IQSEC3: variants seen among roughly 807,000 people sequenced by gnomAD.
IQSEC3 encodes IQ motif and SEC7 domain-containing protein 3.
Under a neutral mutation model 105.4 loss-of-function variants are expected in IQSEC3, and 50 were observed. The ratio of observed to expected loss-of-function variants is 0.47; its 90% CI spans 0.38 to 0.60. The LOEUF is 0.60. Among genes scored for constraint, IQSEC3 ranks in the 20% least tolerant of loss-of-function variants. The pLI, the probability that IQSEC3 is intolerant of heterozygous loss-of-function variation, is 0.00. For synonymous variants in IQSEC3, 708 were observed against 746.0 expected (o/e 0.95, Z 0.83); for missense variants, 1,415 against 1,630.0 (o/e 0.87, Z 2.27).
intron 7 of IQSEC3, among the ~76,000 whole-genome samples, chr12:158,191 C>T (rs1464499656): frequency 2.0e-5 from 3 of 151,544 alleles, no homozygotes; most frequent in Non-Finnish European, 2.9e-5. Flanking sequence ...TTTTTTTACC[C>T]GTTAAAAGAA....
chr12:110,058 C>T (rs900330711), intron 2 of IQSEC3, among the ~76,000 whole-genome samples: 14 of 152,190 alleles, frequency 9.2e-5, no homozygotes, highest in East Asian at 3.9e-4. Flanking sequence ...GTTGTGTGGC[C>T]GCCTCTCCCT....
At chr12:156,531 G>A (rs1439620437) in intron 5 of IQSEC3, among the ~76,000 whole-genome samples, 1 of 152,190 alleles carries the variant, frequency 6.6e-6, no homozygotes, top group Non-Finnish European at 1.5e-5. Flanking sequence ...AGCCCCAGGG[G>A]CTTGAGGGGC....
chr12:81,748 G>A (rs551348473), intron 1 of IQSEC3, among the ~76,000 whole-genome samples: 5 of 152,260 alleles, frequency 3.3e-5, no homozygotes, highest in Middle Eastern at 3.4e-3. Flanking sequence ...ACTGGGCCAC[G>A]CCACCAAGGA....
chr12:108,152 G>A (rs1864745121), intron 2 of IQSEC3, among the ~76,000 whole-genome samples: 1 of 152,192 alleles, frequency 6.6e-6, no homozygotes, highest in Non-Finnish European at 1.5e-5. Context: ...CCTTTCTGAT[G>A]GCCGTTTACA....
intron 1 of IQSEC3, among the ~76,000 whole-genome samples, chr12:86,578 T>C (rs1396111279): frequency 6.6e-6 from 1 of 152,126 alleles, no homozygotes; most frequent in Non-Finnish European, 1.5e-5. Flanking sequence ...GTAAGGAAAC[T>C]GAGGCTCAGT....
At chr12:130,315 AC>A in intron 3 of IQSEC3, among the ~76,000 whole-genome samples, 1 of 152,326 alleles carries the variant, frequency 6.6e-6, no homozygotes, top group Non-Finnish European at 1.5e-5. Context: ...GGTCTGCACA[AC>A]GTCCCCGTGA....
chr12:169,159 C>A, intron 12 of IQSEC3, 54 bp downstream of exon 12: 1 of 1,479,668 alleles, frequency 6.8e-7, no homozygotes. Context: ...ACTCGGGGAC[C>A]CTGGGTGTGG....
In IQSEC3 at chr12:76,272, A is replaced by C. The variant is rs1459024027; in HGVS notation, c.554+8836A>C. On this transcript the variant is annotated intron_variant, in intron 1 of 13. Coordinates refer to ENST00000538872, the MANE Select transcript of IQSEC3 (RefSeq NM_001170738.2). ...GGGGTCATGAACCAGCAGCACCCAG[A>C]TTCCAGGCCCCTTACCAGGCAGGAT... Among the ~76,000 whole-genome samples the C allele has an allele frequency of 5.3e-4, 81 of 152,364 alleles. 1 individual carries two copies. The highest frequency in any genetic ancestry group is 1.9e-3 in the African/African-American group (77 of 41,564).
chr12:168,841 G>A lies in IQSEC3; in HGVS notation c.2972-172G>A, dbSNP rs543215249. 49 of 631,610 alleles carry A rather than the reference G, an allele frequency of 7.8e-5. No individual in the cohort carries two copies. The East Asian group carries it at 9.4e-4, about 12-fold the overall frequency. The allele number at this position is 631,610 out of a possible 1,614,324, so 39.1% of individuals were successfully genotyped here. ...ATGACGAAACTGCGGCTCCGAGGGGGTATTTAACTTGCTATTCAGTGGTGG... is the reference window on the plus strand; with the variant it reads ...ATGACGAAACTGCGGCTCCGAGGGGATATTTAACTTGCTATTCAGTGGTGG... On this transcript the variant is annotated intron_variant, in intron 11 of 13. Transcript: ENST00000538872.
rs1196137817 is a variant in IQSEC3 at position 177,273 on chromosome 12, A to G, written c.*2240A>G. On this transcript the variant is annotated 3_prime_UTR_variant, in exon 14 of 14. Coordinates refer to ENST00000538872, the MANE Select transcript of IQSEC3 (RefSeq NM_001170738.2). The surrounding 1 kb of genome is among the most constrained non-coding windows in gnomAD (Gnocchi z 5.3). The stretch of plus-strand genomic sequence containing the variant: ...CTCACACAGCTCTTCAAGCTTACCA[A>G]GGACAGGCAGGACCCCGTCCCCTGC... 1 of 105,990 alleles carries G rather than the reference A, an allele frequency of 9.4e-6. No individual in the cohort carries two copies. Among genetic ancestry groups the G allele is most frequent in the African/African-American group, 3.0e-5 (1 of 32,804 alleles). The allele number at this position is 105,990 out of a possible 1,614,324, so 6.6% of individuals were successfully genotyped here.
chr12:155,083 A>T (rs1866640691), intron 5 of IQSEC3, among the ~76,000 whole-genome samples: 1 of 152,022 alleles, frequency 6.6e-6, no homozygotes, highest in African/African-American at 2.4e-5. Flanking sequence ...CTGACTCCTG[A>T]TGGGCTGGGC....
At chr12:135,985 G>A (rs1400402597) in intron 3 of IQSEC3, among the ~76,000 whole-genome samples, 6 of 152,214 alleles carry the variant, frequency 3.9e-5, no homozygotes, top group African/African-American at 1.4e-4. Context: ...TACTTTAAGT[G>A]GCTGGATTTG....
intron 13 of IQSEC3, among the ~76,000 whole-genome samples, chr12:173,622 A>C (rs1435609526): frequency 6.6e-6 from 1 of 152,098 alleles, no homozygotes; most frequent in African/African-American, 2.4e-5. Flanking sequence ...CAATAGAAAG[A>C]TCCTCAGAGA....
intron 13 of IQSEC3, 32 bp from the exon 14 acceptor site, chr12:174,567 A>G (rs779098100): frequency 1.3e-6 from 2 of 1,505,504 alleles, no homozygotes; most frequent in Non-Finnish European, 1.8e-6. Flanking sequence ...GTCTTGTAAC[A>G]TTTCATGCTT....
Position 138,779 on chromosome 12 carries a change from C to A in IQSEC3, c.1416C>A (p.Gly472=), listed in dbSNP as rs1449580890. 2 of 1,597,644 alleles carry A rather than the reference C, an allele frequency of 1.3e-6. No individual in the cohort carries two copies. Among genetic ancestry groups the A allele is most frequent in the Non-Finnish European group, 8.5e-7 (1 of 1,175,440 alleles). Residue 472 remains glycine (G), a synonymous_variant, in exon 4 of 14, where the codon GGC becomes GGA. Transcript: ENST00000538872. The surrounding 1 kb of genome is among the most constrained non-coding windows in gnomAD (Gnocchi z 7.1). ...GGGATGACGCCGCGGAGACCCCCGG[C>A]CTGCCCCCGGCCCACAGCGGGACCC... ...GPGDDAAETP[G]LPPAHSGTLM...
In IQSEC3 at chr12:104,951, C is replaced by T. The variant is rs537446875; in HGVS notation, c.623+5737C>T. Among the ~76,000 whole-genome samples, 5 of 152,402 alleles carry T rather than the reference C, an allele frequency of 3.3e-5. No individual in the cohort carries two copies. The East Asian group carries it at 9.6e-4, about 29-fold the overall frequency. ...GTCTTCAAACAGCTGGGCTGGGGCG[C>T]CGCGGCCTCACGTGCCTGCTCCGGG... On this transcript the variant is annotated intron_variant, in intron 2 of 13. Coordinates refer to ENST00000538872, the MANE Select transcript of IQSEC3 (RefSeq NM_001170738.2).
rs531817820 is a variant in IQSEC3 at position 133,293 on chromosome 12, G to A, written c.904-4974G>A. Among the ~76,000 whole-genome samples the A allele has an allele frequency of 1.5e-3, 231 of 152,362 alleles. 1 individual carries two copies. Among genetic ancestry groups the A allele is most frequent in the African/African-American group, 5.1e-3 (213 of 41,576 alleles). On this transcript the variant is annotated intron_variant, in intron 3 of 13. Coordinates refer to ENST00000538872, the MANE Select transcript of IQSEC3 (RefSeq NM_001170738.2). ...CAGAGTGTACGGGGAAAATTAAAAC[G>A]TGTGGAGACTGGCAGTGGCACCCAT...
intron 2 of IQSEC3, among the ~76,000 whole-genome samples, chr12:121,983 C>A (rs117521910): frequency 1.3e-5 from 2 of 152,308 alleles, no homozygotes; most frequent in African/African-American, 2.4e-5. Flanking sequence ...CGTGTATGTT[C>A]TTTGCCCTCC....
chr12:125,876 C>T lies in IQSEC3; in HGVS notation c.867C>T (p.Ser289=), dbSNP rs782798606. Residue 289 remains serine, a synonymous_variant, in exon 3 of 14, where the codon TCC becomes TCT. Coordinates refer to ENST00000538872, the MANE Select transcript of IQSEC3 (RefSeq NM_001170738.2). ...TGTGCCCCCACGCCCCTGCCGCCTC[C>T]GATTACGAACTCTCCCTTGACCTAA... The part of the protein sequence containing the change: ...TALCPHAPAA[S]DYELSLDLKN... 2.2e-4 allele frequency: 334 copies of T among 1,533,788 alleles called. 1 individual carries two copies. Among genetic ancestry groups the T allele is most frequent in the South Asian group, 6.8e-4 (57 of 84,010 alleles).
Sources: allele counts gnomAD v4.1 joint callset (sites outside exome capture counted in the v4.1 genomes callset), GRCh38; gene constraint gnomAD v4.1.1; non-coding constraint Gnocchi (gnomAD v3.1); transcripts MANE v1.5; gene names NCBI Gene and HGNC (gene_info 2026-07-23, HGNC 2026-07-21).